Variants in ADNP observed in about 807,000 individuals in gnomAD.
The protein encoded by ADNP is activity-dependent neuroprotector homeobox protein.
Under a neutral mutation model 84.9 loss-of-function variants are expected in ADNP, and 4 were observed. The observed-to-expected ratio is 0.05, with a 90% CI of 0.02 to 0.11. The LOEUF is 0.11. Ranked by LOEUF, ADNP falls within the 10% of genes least tolerant of loss-of-function variation. The pLI is 1.00. For missense variants in ADNP, 1,132 were observed against 1,326.0 expected (o/e 0.85, Z 2.27); for synonymous variants, 554 against 468.1 (o/e 1.18, Z -2.37).
At chr20:50,897,084 C>G (rs1981482386) in intron 5 of ADNP, among the ~76,000 whole-genome samples, 1 of 152,012 alleles carries the variant, frequency 6.6e-6, no homozygotes, top group African/African-American at 2.4e-5. Context: ...ATTACAGGCG[C>G]CCCACCACCA....
intron 4 of ADNP, 64 bp from the exon 5 acceptor site, chr20:50,902,173 G>T: frequency 1.6e-6 from 2 of 1,232,934 alleles, no homozygotes; most frequent in Non-Finnish European, 2.4e-6. Flanking sequence ...AATCTTACAT[G>T]TAAATCTCAC....
At position 50,891,861 on chromosome 20, in the gene ADNP, A is replaced by T; in HGVS notation, c.2853T>A (p.Asn951Lys). 6.2e-7 allele frequency: 1 copy of T among 1,614,202 alleles called. No individual in the cohort carries two copies. The highest frequency in any genetic ancestry group is 8.5e-7 in the Non-Finnish European group (1 of 1,180,034). The part of the protein sequence containing the change: ...LTEEPTKLMH[N>K]ASDSEVDQDD... ...CTTGGTCAACCTCACTATCAGATGC[A>T]TTGTGCATTAGTTTGGTTGGTTCCT... The change falls in exon 6 of 6, where the codon AAT (asparagine) becomes AAA (lysine). Residue 951 changes from asparagine to lysine, a missense_variant. By Grantham distance (94) the Asn-to-Lys change is moderately conservative. Coordinates refer to ENST00000621696, the MANE Select transcript of ADNP (RefSeq NM_001282531.3).
chr20:50,891,287 T>C lies in ADNP; in HGVS notation c.*118A>G. On this transcript the variant is annotated 3_prime_UTR_variant, in exon 6 of 6. Transcript: ENST00000621696. Reference sequence around the variant, plus strand: ...AACCACTGGAACTGCAGCGGCCACATGCCCCACAGTCCAACCAGTACTCAC... The same window carrying C: ...AACCACTGGAACTGCAGCGGCCACACGCCCCACAGTCCAACCAGTACTCAC... The C allele has an allele frequency of 7.0e-7, 1 of 1,430,166 alleles. No homozygotes were observed. The highest frequency in any genetic ancestry group is 9.1e-7 in the Non-Finnish European group (1 of 1,098,184). 88.6% of individuals were successfully genotyped at this position (1,430,166 alleles called of 1,614,324 possible).
Position 50,899,867 on chromosome 20 carries a change from A to ATTTTT in ADNP, c.201+2145_201+2149dup, listed in dbSNP as rs142777741. ...CAAAATATTTTTATACAGCTGTACA[A>ATTTTT]TTTTTTTTTTTTTTTTTTTTGGAGC... is the stretch of plus-strand genomic sequence containing the variant. On this transcript the variant is annotated intron_variant, in intron 5 of 5. Transcript: ENST00000621696. 3.0e-5 allele frequency among the ~76,000 whole-genome samples: 4 copies of ATTTTT among 131,274 alleles called. No homozygotes were observed. The South Asian group carries it at 7.3e-4, about 24-fold the overall frequency. The allele number at this position is 131,274 out of a possible 152,430, so 86.1% of individuals were successfully genotyped here. A position where few individuals can be genotyped will look rare whatever the true frequency, so the allele number is the denominator to read the frequency against.
chr20:50,913,754 G>C, intron 2 of ADNP: 1 of 419,508 alleles, frequency 2.4e-6, no homozygotes, highest in South Asian at 2.6e-5. Context: ...CTAAACTTAT[G>C]GTCTGCAACT....
Position 50,912,025 on chromosome 20 carries a change from C to T in ADNP, c.-89-7176G>A, listed in dbSNP as rs117990182. On this transcript the variant is annotated intron_variant, in intron 2 of 5. Coordinates refer to ENST00000621696, the MANE Select transcript of ADNP (RefSeq NM_001282531.3). ...AAAGTGATGACTAATGTATCAGTTA[C>T]ACTAGTGAATGCAAAACTTTCATTT... Among the ~76,000 whole-genome samples, 78 of 152,252 alleles carry T rather than the reference C, an allele frequency of 5.1e-4. 1 individual carries two copies. In the East Asian group the frequency reaches 0.013, roughly 26 times the overall value.
chr20:50,906,965 TTTTTTTTTTTG>T (rs1350130349), intron 2 of ADNP, among the ~76,000 whole-genome samples: 1 of 117,596 alleles, frequency 8.5e-6, no homozygotes, highest in Non-Finnish European at 1.7e-5. Context: ...GGGTTCCAGT[TTTTTTTTTTTG>T]TTTTTTTTTT....
chr20:50,929,293 G>C (rs1476092617), intron 1 of ADNP, among the ~76,000 whole-genome samples: 1 of 152,236 alleles, frequency 6.6e-6, no homozygotes, highest in Non-Finnish European at 1.5e-5. Context: ...GATGTGCCAA[G>C]GTGATTCGTC....
At chr20:50,896,939 CTTT>C (rs1981462113) in intron 5 of ADNP, among the ~76,000 whole-genome samples, 2 of 152,114 alleles carry the variant, frequency 1.3e-5, no homozygotes, top group Admixed American at 1.3e-4. Flanking sequence ...TGTTTTCAAA[CTTT>C]TTTGTTGTTG....
Position 50,894,294 on chromosome 20 carries a change from G to A in ADNP, c.420C>T (p.Leu140=). The A allele has an allele frequency of 6.2e-7, 1 of 1,613,828 alleles. No individual in the cohort carries two copies. The highest frequency in any genetic ancestry group is 1.3e-5 in the African/African-American group (1 of 74,982). Residue 140 remains leucine, a synonymous_variant, in exon 6 of 6, where the codon CTC becomes CTT. Coordinates refer to ENST00000621696, the MANE Select transcript of ADNP (RefSeq NM_001282531.3). The part of the protein sequence containing the change: ...APNASAPSSS[L]STFKDKNKND... Reference sequence around the variant, plus strand: ...TTTTGTTTTTATCTTTGAAAGTGCTGAGGCTGCTACTTGGTGCGCTGGCGT... The same window carrying A: ...TTTTGTTTTTATCTTTGAAAGTGCTAAGGCTGCTACTTGGTGCGCTGGCGT...
At position 50,890,411 on chromosome 20, in the gene ADNP, A is replaced by T. The variant is rs1980562637; in HGVS notation, c.*994T>A. On this transcript the variant is annotated 3_prime_UTR_variant, in exon 6 of 6. Coordinates refer to ENST00000621696, the MANE Select transcript of ADNP (RefSeq NM_001282531.3). ...TGAATACAAAGGGAAAATAAAGATC[A>T]CAAAATTATACATACTACAACAGTG... 1 of 152,366 alleles carries T rather than the reference A, an allele frequency of 6.6e-6. No individual in the cohort carries two copies. Among genetic ancestry groups the T allele is most frequent in the African/African-American group, 2.4e-5 (1 of 41,458 alleles). 9.4% of individuals were successfully genotyped at this position (152,366 alleles called of 1,614,324 possible).
Position 50,917,117 on chromosome 20 carries a change from A to T in ADNP, c.-90+11534T>A, listed in dbSNP as rs200089293. Among the ~76,000 whole-genome samples, 4 of 152,198 alleles carry T rather than the reference A, an allele frequency of 2.6e-5. No individual in the cohort carries two copies. The East Asian group carries it at 7.7e-4, about 29-fold the overall frequency. ...AAGCCACCCTCCAGACCTGAGATGC[A>T]GCACTCCTGTCACTACCCATGCAGA... is the stretch of plus-strand genomic sequence containing the variant. On this transcript the variant is annotated intron_variant, in intron 2 of 5. Coordinates refer to ENST00000621696, the MANE Select transcript of ADNP (RefSeq NM_001282531.3).
chr20:50,913,734 G>A lies in ADNP; in HGVS notation c.-89-8885C>T, dbSNP rs369030158. ...TCAATCCTGGGAAAGCAAAACAGAC[G>A]GGTGTGTGTCTAAACTTATGGTCTG... On this transcript the variant is annotated intron_variant, in intron 2 of 5. Transcript: ENST00000621696. 4.7e-4 allele frequency: 161 copies of A among 343,214 alleles called. 1 individual carries two copies. Among genetic ancestry groups the A allele is most frequent in the East Asian group, 4.5e-3 (69 of 15,478 alleles). The allele number at this position is 343,214 out of a possible 1,614,324, so 21.3% of individuals were successfully genotyped here.
Position 50,889,589 on chromosome 20 carries a change from C to G in ADNP, c.*1816G>C, listed in dbSNP as rs1018925401. The G allele has an allele frequency of 3.2e-6, 1 of 315,346 alleles. No homozygotes were observed. The highest frequency in any genetic ancestry group is 2.1e-5 in the African/African-American group (1 of 46,966). The allele number at this position is 315,346 out of a possible 1,614,324, so 19.5% of individuals were successfully genotyped here. A position where few individuals can be genotyped will look rare whatever the true frequency, so the allele number is the denominator to read the frequency against. ...CTCTACTCTCTGGTAACAGCATTAA[C>G]AAGAGTCTTTCTTTTGGAAACAGAC... On this transcript the variant is annotated 3_prime_UTR_variant, in exon 6 of 6. Transcript: ENST00000621696.
At chr20:50,912,502 G>A (rs1397578975) in intron 2 of ADNP, among the ~76,000 whole-genome samples, 2 of 151,986 alleles carry the variant, frequency 1.3e-5, no homozygotes, top group Non-Finnish European at 2.9e-5. Flanking sequence ...AGGAATCTTA[G>A]GTGAAATATA....
intron 1 of ADNP, among the ~76,000 whole-genome samples, chr20:50,929,717 A>ATT (rs57226720): frequency 8.1e-5 from 12 of 147,608 alleles, no homozygotes; most frequent in African/African-American, 3.0e-4. Flanking sequence ...TATCCAAGAG[A>ATT]TTTTTTTTTT....
chr20:50,891,247 C>CA lies in ADNP; in HGVS notation c.*157dup. ...CTGAAGCAAGAACAGCCTGTCCTGT[C>CA]ATAGACTTAGAAATAACCACTGGAA... is the stretch of plus-strand genomic sequence containing the variant. On this transcript the variant is annotated 3_prime_UTR_variant, in exon 6 of 6. Transcript: ENST00000621696. The CA allele has an allele frequency of 1.4e-6, 2 of 1,409,722 alleles. No individual in the cohort carries two copies. The highest frequency in any genetic ancestry group is 1.8e-6 in the Non-Finnish European group (2 of 1,088,982). The allele number at this position is 1,409,722 out of a possible 1,614,324, so 87.3% of individuals were successfully genotyped here. A position where few individuals can be genotyped will look rare whatever the true frequency, so the allele number is the denominator to read the frequency against.
At chr20:50,920,554 TAA>T (rs577700827) in intron 2 of ADNP, among the ~76,000 whole-genome samples, 45 of 129,692 alleles carry the variant, frequency 3.5e-4, no homozygotes, top group Non-Finnish European at 3.6e-4. Context: ...TGGACTCCAT[TAA>T]AAAAAAAAAA....
intron 2 of ADNP, chr20:50,909,561 G>A (rs1267099306): frequency 6.6e-6 from 1 of 152,076 alleles, no homozygotes; most frequent in Non-Finnish European, 1.5e-5. Flanking sequence ...CCACTCAACT[G>A]TGCTAGGAAT....
Sources: gnomAD v4.1 joint callset for allele counts (sites outside exome capture counted in the v4.1 genomes callset) on GRCh38, gnomAD v4.1.1 for gene constraint, MANE v1.5 for transcripts, NCBI Gene and HGNC (gene_info 2026-07-23, HGNC 2026-07-21) for gene names.